DST: variants seen among roughly 807,000 people sequenced by gnomAD.
DST encodes bullous pemphigoid antigen.
In DST, 253 loss-of-function variants were observed where a neutral mutation model predicts 875.2. The observed-to-expected ratio is 0.29, with a 90% CI of 0.26 to 0.32. DST has a LOEUF of 0.32. Ranked by LOEUF, DST falls within the 10% of genes least tolerant of loss-of-function variation. DST has a pLI of 1.00. For missense variants in DST, 8,287 were observed against 9,111.6 expected, an observed-to-expected ratio of 0.91 and a Z score of 3.68; for synonymous variants, 3,124 against 3,197.1, an observed-to-expected ratio of 0.98 and a Z score of 0.77.
At chr6:56,512,854 C>CT (rs1171115781) in intron 72 of DST, among the ~76,000 whole-genome samples, 1 of 152,156 alleles carries the variant, frequency 6.6e-6, no homozygotes, top group Admixed American at 6.5e-5. Context: ...AAGGAAGAGT[C>CT]TAATATAGCA....
At chr6:56,679,881 C>CT (rs1318746408) in intron 9 of DST, among the ~76,000 whole-genome samples, 1 of 152,140 alleles carries the variant, frequency 6.6e-6, no homozygotes, top group Non-Finnish European at 1.5e-5. Context: ...GAGAAAATAG[C>CT]TACATAAGTA....
Position 56,646,162 on chromosome 6 carries a change from TA to T in DST, c.1574del (p.Leu525TyrfsTer25). Reference protein sequence around the residue: ...VELKALYNQYLQFKETEIPPK... With the variant: ...VELKALYNQYXQFKETEIPPK... ...GTGGAATTTCTGTTTCTTTAAACTG[TA>T]AATACTGATTATAAAGTGCCTAAAA... is the stretch of plus-strand genomic sequence containing the variant. On this transcript the variant is annotated frameshift_variant, in exon 14 of 104. Coordinates refer to ENST00000680361, the MANE Select transcript of DST (RefSeq NM_001374736.1). LOFTEE classifies it high-confidence loss of function. The T allele has an allele frequency of 1.3e-6, 2 of 1,504,536 alleles. No individual in the cohort carries two copies. The highest frequency in any genetic ancestry group is 1.8e-6 in the Non-Finnish European group (2 of 1,110,208). 93.2% of individuals were successfully genotyped at this position (1,504,536 alleles called of 1,614,324 possible). A position where few individuals can be genotyped will look rare whatever the true frequency, so the allele number is the denominator to read the frequency against.
At chr6:56,862,636 A>T (rs17684941) in intron 3 of DST, among the ~76,000 whole-genome samples, 1 of 152,066 alleles carries the variant, frequency 6.6e-6, no homozygotes, top group Non-Finnish European at 1.5e-5. Flanking sequence ...TGTGTGACTC[A>T]TGGACTGAAG....
intron 8 of DST, 104 bp downstream of exon 8, chr6:56,701,780 GGTTA>G: frequency 1.5e-6 from 1 of 657,962 alleles, no homozygotes; most frequent in East Asian, 2.8e-5. Context: ...CAAGCTTACT[GGTTA>G]CAATTCACAG....
intron 3 of DST, among the ~76,000 whole-genome samples, chr6:56,864,905 A>G (rs1276672733): frequency 6.6e-6 from 1 of 152,186 alleles, no homozygotes; most frequent in Non-Finnish European, 1.5e-5. Flanking sequence ...AGTAACAGAT[A>G]CATTCTTTTG....
At chr6:56,487,036 A>G in intron 87 of DST, 68 bp downstream of exon 87, 1 of 1,497,608 alleles carries the variant, frequency 6.7e-7, no homozygotes, top group East Asian at 2.3e-5. Flanking sequence ...ATGTCCCCGC[A>G]AAGCACCATT....
chr6:56,773,788 C>T (rs1419100647), intron 4 of DST, among the ~76,000 whole-genome samples: 2 of 152,200 alleles, frequency 1.3e-5, no homozygotes, highest in Non-Finnish European at 2.9e-5. Flanking sequence ...CTGTGAGCCA[C>T]CAATTTCCAG....
At chr6:56,754,658 T>C (rs1193889188) in intron 4 of DST, among the ~76,000 whole-genome samples, 1 of 152,120 alleles carries the variant, frequency 6.6e-6, no homozygotes, top group Non-Finnish European at 1.5e-5. Context: ...ATGTTACATA[T>C]ATTAGAGCTG....
intron 16 of DST, 132 bp downstream of exon 16, chr6:56,642,278 T>C (rs2098914391): frequency 2.3e-6 from 2 of 881,482 alleles, no homozygotes; most frequent in Admixed American, 3.9e-5. Context: ...CCAATCATAA[T>C]CTTTAACAAA....
intron 2 of DST, among the ~76,000 whole-genome samples, chr6:56,919,836 A>T (rs1803151188): frequency 6.6e-6 from 1 of 152,116 alleles, no homozygotes; most frequent in Non-Finnish European, 1.5e-5. Context: ...AATCCCAGCT[A>T]CTTGGGAGAC....
Position 56,608,532 on chromosome 6 carries a change from A to G in DST, c.6096T>C (p.Gly2032=). 6.2e-7 allele frequency: 1 copy of G among 1,613,454 alleles called. No homozygotes were observed. Among genetic ancestry groups the G allele is most frequent in the South Asian group, 1.1e-5 (1 of 91,044 alleles). Residue 2032 remains glycine (G), a synonymous_variant, in exon 40 of 104, where the codon GGT becomes GGC. Transcript: ENST00000680361. ...SSILTYQVQT[G]GIIQSNPAKR... Reference sequence around the variant, plus strand: ...TGGCAGGGTTTGACTGGATGATTCCACCAGTTTGAACCTGATATGTGAGGA... The same window carrying G: ...TGGCAGGGTTTGACTGGATGATTCCGCCAGTTTGAACCTGATATGTGAGGA...
At chr6:56,460,334 T>A in intron 102 of DST, 80 bp from the exon 103 acceptor site, 1 of 1,512,184 alleles carries the variant, frequency 6.6e-7, no homozygotes, top group Non-Finnish European at 9.1e-7. Flanking sequence ...TCTTTACATA[T>A]GGGTGGAAAC....
chr6:56,742,997 C>T (rs998470938), intron 4 of DST, among the ~76,000 whole-genome samples: 5 of 152,192 alleles, frequency 3.3e-5, no homozygotes, highest in Admixed American at 2.6e-4. Context: ...TAAAATTCCA[C>T]AGCCAAAGTG....
intron 5 of DST, among the ~76,000 whole-genome samples, chr6:56,732,090 C>A (rs1216780275): frequency 6.6e-6 from 1 of 152,066 alleles, no homozygotes; most frequent in Non-Finnish European, 1.5e-5. Context: ...TTTCATGTTC[C>A]TAATTTTAAT....
rs1229141252 is a variant in DST, at chr6:56,561,379, C to T, written c.14239G>A (p.Ala4747Thr). The change falls in exon 57 of 104, where the codon GCA becomes ACA. Residue 4747 changes from alanine to threonine, a missense_variant. Transcript: ENST00000680361. ...MQWLQKMNKT[A>T]TKWQQTPAPT... ...GCAGGTGTCTGCTGCCATTTTGTTG[C>T]AGTTTTGTTCATTTTCTGTAACCAC... is the stretch of plus-strand genomic sequence containing the variant. 6.2e-7 allele frequency: 1 copy of T among 1,613,684 alleles called. No homozygotes were observed. The highest frequency in any genetic ancestry group is 8.5e-7 in the Non-Finnish European group (1 of 1,179,788).
At chr6:56,497,733 T>G (rs1180504780) in intron 81 of DST, 123 bp downstream of exon 81, 1 of 1,015,338 alleles carries the variant, frequency 9.8e-7, no homozygotes, top group East Asian at 2.6e-5. Context: ...TTTATTTCAC[T>G]TATTTTTACT....
chr6:56,640,403 A>G lies in DST; in HGVS notation c.2230T>C (p.Ser744Pro). 6.2e-7 allele frequency: 1 copy of G among 1,614,118 alleles called. No homozygotes were observed. ...GATGACAGGCCAGAAGTCATACTAG[A>G]AGAGGTTAGGGAAGGTGTTAAACTC... ...TQSLTPSLTSSSMTSGLSSGM... is the reference protein window; with the variant it reads ...TQSLTPSLTSPSMTSGLSSGM... The change falls in exon 18 of 104, where the codon TCT (serine) becomes CCT (proline). Residue 744 changes from serine to proline, a missense_variant. Ser to Pro is a moderately conservative substitution (Grantham distance 74). Coordinates refer to ENST00000680361, the MANE Select transcript of DST (RefSeq NM_001374736.1).
At chr6:56,865,261 CTGTG>C (rs35870270) in intron 3 of DST, among the ~76,000 whole-genome samples, 10,953 of 143,648 alleles carry the variant, frequency 0.076, 550 homozygotes, top group African/African-American at 0.15. Context: ...CCCTAGTTTT[CTGTG>C]TGTGTGTGTG....
Position 56,607,732 on chromosome 6 carries a change from GCA to G in DST, c.6894_6895del (p.Ala2299TyrfsTer3). The G allele has an allele frequency of 6.2e-7, 1 of 1,613,334 alleles. No individual in the cohort carries two copies. Among genetic ancestry groups the G allele is most frequent in the Non-Finnish European group, 8.5e-7 (1 of 1,179,662 alleles). ...CATTTCATTAAATTCTTCATCTATA[GCA>G]CACTTTCTATTTTCAGGAGTCTCTT... On this transcript the variant is annotated frameshift_variant, in exon 40 of 104. Coordinates refer to ENST00000680361, the MANE Select transcript of DST (RefSeq NM_001374736.1). LOFTEE classifies it high-confidence loss of function.
Sources: gnomAD v4.1 joint callset for allele counts (sites outside exome capture counted in the v4.1 genomes callset) on GRCh38, gnomAD v4.1.1 for gene constraint, MANE v1.5 for transcripts, NCBI Gene and HGNC (gene_info 2026-07-23, HGNC 2026-07-21) for gene names.